Variants in ANKS3 observed in about 807,000 individuals in gnomAD.
The protein encoded by ANKS3 is ankyrin repeat and sterile alpha motif domain containing 3.
In ANKS3, 62 loss-of-function variants were observed where a neutral mutation model predicts 80.7. The observed-to-expected ratio is 0.77, with a 90% confidence interval of 0.63 to 0.95. The LOEUF is 0.95. Among genes scored for constraint, ANKS3 ranks in the 40% least tolerant of loss-of-function variants. ANKS3 has a pLI of 0.00. For synonymous variants in ANKS3, 489 were observed against 355.3 expected (o/e 1.38, Z -4.23); for missense variants, 1,150 against 883.6 (o/e 1.30, Z -3.82).
rs759083239 is a variant in ANKS3 at position 4,714,117 on chromosome 16, T to A, written c.643A>T (p.Met215Leu). The change falls in exon 7 of 18, where the codon ATG (methionine) becomes TTG (leucine). Residue 215 changes from methionine to leucine, a missense_variant. By Grantham distance (15) the Met-to-Leu change is conservative. Coordinates refer to ENST00000304283, the MANE Select transcript of ANKS3 (RefSeq NM_133450.4). ...ARMLAKQYGH[M>L]KIVALMDTYS... ...GTGTCCATCAAGGCCACGATCTTCA[T>A]GTGTCCGTACTGCTTGGCCAGCATC... 8.2e-5 allele frequency: 133 copies of A among 1,614,082 alleles called. No individual in the cohort carries two copies. Among genetic ancestry groups the A allele is most frequent in the Non-Finnish European group, 1.1e-4 (129 of 1,180,046 alleles).
Position 4,714,186 on chromosome 16 carries a change from C to T in ANKS3, c.574G>A (p.Gly192Arg). Residue 192 changes from glycine to arginine, a missense_variant and splice_region_variant, in exon 7 of 18, where the codon GGA (glycine) becomes AGA (arginine). Coordinates refer to ENST00000304283, the MANE Select transcript of ANKS3 (RefSeq NM_133450.4). ...EIIVQYFLNH[G>R]VKVDARDHSG... Reference sequence around the variant, plus strand: ...TGGTCTCTCGCGTCCACCTTGACTCCCTGTGAATGTCCGTGAAAGGGGGTT... The same window carrying T: ...TGGTCTCTCGCGTCCACCTTGACTCTCTGTGAATGTCCGTGAAAGGGGGTT... The T allele has an allele frequency of 6.2e-7, 1 of 1,613,958 alleles. No homozygotes were observed. Among genetic ancestry groups the T allele is most frequent in the Non-Finnish European group, 8.5e-7 (1 of 1,179,940 alleles).
intron 3 of ANKS3, chr16:4,729,692 G>C (rs1440232553): frequency 4.4e-6 from 1 of 229,598 alleles, no homozygotes; most frequent in Non-Finnish European, 8.4e-6. Flanking sequence ...TATTTTGCTT[G>C]TTTGTTTGGG....
At position 4,734,120 on chromosome 16, in the gene ANKS3, C is replaced by G. The variant is rs961496444; in HGVS notation, c.-253G>C. On this transcript the variant is annotated 5_prime_UTR_variant, in exon 1 of 18. Transcript: ENST00000304283. ...CCGGGTCTAGGCGGGCTGCAGGTGC[C>G]GGCAAGTGCTGGGGCCGGGCCGCCG... The G allele has an allele frequency of 2.6e-5, 20 of 783,104 alleles. No individual in the cohort carries two copies. The highest frequency in any genetic ancestry group is 3.1e-5 in the Non-Finnish European group (20 of 645,276). The allele number at this position is 783,104 out of a possible 1,614,324, so 48.5% of individuals were successfully genotyped here. A position where few individuals can be genotyped will look rare whatever the true frequency, so the allele number is the denominator to read the frequency against.
chr16:4,727,330 C>T, intron 3 of ANKS3, 153 bp from the exon 4 acceptor site: 1 of 733,876 alleles, frequency 1.4e-6, no homozygotes. Flanking sequence ...GGCAGGCAGG[C>T]AGAAAAATGC....
intron 2 of ANKS3, among the ~76,000 whole-genome samples, chr16:4,731,211 C>G (rs912352821): frequency 4.6e-5 from 7 of 152,172 alleles, no homozygotes; most frequent in Admixed American, 2.0e-4. Flanking sequence ...ATGACTGTGA[C>G]GGTGGATCTG....
Position 4,698,479 on chromosome 16 carries a change from G to A in ANKS3, c.1672C>T (p.Arg558Trp), listed in dbSNP as rs781202313. 43 of 1,548,814 alleles carry A rather than the reference G, an allele frequency of 2.8e-5. No homozygotes were observed. The highest frequency in any genetic ancestry group is 1.8e-4 in the African/African-American group (13 of 73,546). ...TCCCGGGCCAGGGCCCACGTCTCCC[G>A]CAGCCGGGCCTGGAGGTCCTCGCGG... ...RAREDLQARL[R>W]ETWALARDAA... The change falls in exon 14 of 18, where the codon CGG (arginine) becomes TGG (tryptophan). Residue 558 changes from arginine to tryptophan, a missense_variant. Transcript: ENST00000304283.
chr16:4,725,414 C>A (rs2081299715), intron 5 of ANKS3, among the ~76,000 whole-genome samples: 1 of 152,174 alleles, frequency 6.6e-6, no homozygotes, highest in African/African-American at 2.4e-5. Context: ...TCTTAAGACA[C>A]ACAGTGTTCA....
At chr16:4,703,983 G>T (rs1375756535) in intron 8 of ANKS3, among the ~76,000 whole-genome samples, 1 of 152,224 alleles carries the variant, frequency 6.6e-6, no homozygotes, top group Non-Finnish European at 1.5e-5. Flanking sequence ...TCAGGCTGTA[G>T]CAGGTGGCAG....
chr16:4,708,924 G>C (rs2080342622), intron 7 of ANKS3, among the ~76,000 whole-genome samples: 1 of 150,066 alleles, frequency 6.7e-6, no homozygotes, highest in Non-Finnish European at 1.5e-5. Context: ...GGGCAACAGA[G>C]CGAGACTCTG....
chr16:4,715,270 C>T (rs995717210), intron 6 of ANKS3, among the ~76,000 whole-genome samples: 2 of 152,038 alleles, frequency 1.3e-5, no homozygotes, highest in African/African-American at 2.4e-5. Context: ...CATGAACCCA[C>T]CTCTACAAGA....
At chr16:4,710,610 G>A (rs941542093) in intron 7 of ANKS3, among the ~76,000 whole-genome samples, 5 of 152,092 alleles carry the variant, frequency 3.3e-5, no homozygotes, top group Non-Finnish European at 7.4e-5. Context: ...TCGTAGAGCT[G>A]AGGTAGAAGG....
At chr16:4,731,318 T>C (rs2081605469) in intron 2 of ANKS3, among the ~76,000 whole-genome samples, 194 bp downstream of exon 2, 1 of 152,238 alleles carries the variant, frequency 6.6e-6, no homozygotes, top group Non-Finnish European at 1.5e-5. Context: ...CTCGCTCTGT[T>C]GCCCAGGCTG....
chr16:4,706,503 C>G (rs1370807111), intron 7 of ANKS3, among the ~76,000 whole-genome samples: 1 of 152,224 alleles, frequency 6.6e-6, no homozygotes, highest in African/African-American at 2.4e-5. Flanking sequence ...CCACAAAGTG[C>G]TGGCATCACA....
intron 6 of ANKS3, among the ~76,000 whole-genome samples, chr16:4,720,550 G>C (rs921375755): frequency 6.6e-6 from 1 of 151,178 alleles, no homozygotes; most frequent in East Asian, 1.9e-4. Flanking sequence ...ACCCACTACC[G>C]ACTGAACCCA....
Position 4,729,924 on chromosome 16 carries a change from C to G in ANKS3, c.170+56G>C, listed in dbSNP as rs77607458. ...TGTGCAAAGCCCCATCACGTGGGATCGAAGCCATCACTGCGCTGCTCAAAA... is the reference window on the plus strand; with the variant it reads ...TGTGCAAAGCCCCATCACGTGGGATGGAAGCCATCACTGCGCTGCTCAAAA... On this transcript the variant is annotated intron_variant, in intron 3 of 17. Transcript: ENST00000304283. The G allele has an allele frequency of 4.9e-4, 679 of 1,389,200 alleles. 5 individuals carry two copies. In the African/African-American group the frequency reaches 9.3e-3, roughly 19 times the overall value. 86.1% of individuals were successfully genotyped at this position (1,389,200 alleles called of 1,614,324 possible). A position where few individuals can be genotyped will look rare whatever the true frequency, so the allele number is the denominator to read the frequency against.
chr16:4,702,700 G>C (rs2079984859), intron 8 of ANKS3, among the ~76,000 whole-genome samples: 1 of 152,074 alleles, frequency 6.6e-6, no homozygotes, highest in Non-Finnish European at 1.5e-5. Flanking sequence ...AAAGAGACCT[G>C]GCTGAGCAGG....
Position 4,724,739 on chromosome 16 carries a change from G to T in ANKS3, c.573+11C>A, listed in dbSNP as rs1400364279. 6 of 1,611,052 alleles carry T rather than the reference G, an allele frequency of 3.7e-6. No individual in the cohort carries two copies. Among genetic ancestry groups the T allele is most frequent in the Non-Finnish European group, 3.4e-6 (4 of 1,177,962 alleles). On this transcript the variant is annotated intron_variant, in intron 6 of 17. Coordinates refer to ENST00000304283, the MANE Select transcript of ANKS3 (RefSeq NM_133450.4). Reference sequence around the variant, plus strand: ...TGACTACATTACATGCTAATAATCAGGGTCACTTACGTGATTCAGAAAATA... The same window carrying T: ...TGACTACATTACATGCTAATAATCATGGTCACTTACGTGATTCAGAAAATA...
intron 11 of ANKS3, chr16:4,700,533 G>C (rs1043781159): frequency 9.0e-6 from 3 of 333,092 alleles, no homozygotes; most frequent in Non-Finnish European, 1.8e-5. Context: ...TGAGCTGTGA[G>C]TCACACCTCT....
intron 4 of ANKS3, 61 bp from the exon 5 acceptor site, chr16:4,726,841 TC>T: frequency 6.3e-7 from 1 of 1,598,936 alleles, no homozygotes; most frequent in Non-Finnish European, 8.5e-7. Flanking sequence ...GCGGGCGCCC[TC>T]CAGGCGGCCA....
Sources: allele counts gnomAD v4.1 joint callset (sites outside exome capture counted in the v4.1 genomes callset), GRCh38; gene constraint gnomAD v4.1.1; transcripts MANE v1.5; gene names NCBI Gene and HGNC (gene_info 2026-07-23, HGNC 2026-07-21).